The following ADD2 variants were observed in gnomAD, a reference collection of about 807,000 sequenced individuals.
ADD2 encodes adducin 2, also known as beta-adducin.
Under a neutral mutation model 83.0 loss-of-function variants are expected in ADD2, and 23 were observed. The ratio of observed to expected loss-of-function variants is 0.28; its 90% CI spans 0.20 to 0.39. ADD2 has a LOEUF of 0.39. ADD2 is among the 10% of genes least tolerant of loss of function. ADD2 has a pLI of 1.00. For synonymous variants in ADD2, 375 were observed against 375.4 expected (o/e 1.00, Z 0.01); for missense variants, 758 against 944.9 (o/e 0.80, Z 2.59).
intron 15 of ADD2, among the ~76,000 whole-genome samples, chr2:70,672,055 ATTAT>A (rs1196600625): frequency 6.6e-6 from 1 of 152,216 alleles, no homozygotes; most frequent in African/African-American, 2.4e-5. Flanking sequence ...TGCATCTTAA[ATTAT>A]TTAAGTCCTG....
intron 15 of ADD2, among the ~76,000 whole-genome samples, chr2:70,665,590 G>A (rs1675753829): frequency 6.6e-6 from 1 of 152,016 alleles, no homozygotes. Flanking sequence ...GCTGGTCCTG[G>A]ACCTCTCACT....
At chr2:70,692,275 G>A (rs369561517) in intron 7 of ADD2, 128 bp downstream of exon 7, 102 of 1,105,288 alleles carry the variant, frequency 9.2e-5, no homozygotes, top group Non-Finnish European at 1.2e-4. Flanking sequence ...GCGTTTCCAC[G>A]TTGGGAGTTC....
intron 10 of ADD2, among the ~76,000 whole-genome samples, chr2:70,683,318 C>T (rs1402745255): frequency 6.6e-6 from 1 of 152,114 alleles, no homozygotes; most frequent in South Asian, 2.1e-4. Context: ...TGAGCCACTG[C>T]GCCCGGCCTG....
intron 9 of ADD2, among the ~76,000 whole-genome samples, chr2:70,686,299 A>G (rs1039849190): frequency 3.9e-5 from 6 of 152,100 alleles, no homozygotes; most frequent in South Asian, 2.1e-4. Flanking sequence ...GGGGAAAAAA[A>G]GGTCACTGGA....
intron 10 of ADD2, among the ~76,000 whole-genome samples, 166 bp from the exon 11 acceptor site, chr2:70,679,127 C>G (rs1670330569): frequency 6.6e-6 from 1 of 152,224 alleles, no homozygotes; most frequent in Admixed American, 6.5e-5. Flanking sequence ...TATTTCAGAA[C>G]TGTTCCCTCC....
At chr2:70,701,710 ATATC>A (rs569579259) in intron 4 of ADD2, among the ~76,000 whole-genome samples, 1 of 152,272 alleles carries the variant, frequency 6.6e-6, no homozygotes, top group East Asian at 1.9e-4. Context: ...ATGTATATAT[ATATC>A]TAACAATTTA....
chr2:70,689,049 G>A (rs1225702402), intron 8 of ADD2, among the ~76,000 whole-genome samples: 2 of 152,074 alleles, frequency 1.3e-5, no homozygotes, highest in Non-Finnish European at 2.9e-5. Context: ...AGTGAGCTGA[G>A]ATCGCACCAT....
At chr2:70,705,419 C>CTT (rs3836146) in intron 3 of ADD2, among the ~76,000 whole-genome samples, 60,736 of 151,852 alleles carry the variant, frequency 0.4, 14,132 homozygotes, top group African/African-American at 0.66. Flanking sequence ...GCTCCCATCT[C>CTT]GAGCCCATCC....
intron 15 of ADD2, among the ~76,000 whole-genome samples, chr2:70,665,825 T>TG (rs1330653522): frequency 1.3e-5 from 2 of 151,796 alleles, no homozygotes; most frequent in East Asian, 3.8e-4. Context: ...TTTGTTTTTT[T>TG]TTTTTTCCCG....
chr2:70,731,861 A>G (rs1553379346), intron 1 of ADD2, among the ~76,000 whole-genome samples: 2 of 152,232 alleles, frequency 1.3e-5, no homozygotes, highest in African/African-American at 4.8e-5. Context: ...CAGTCCCACA[A>G]GAGGAGGTAG....
At chr2:70,674,024 T>C (rs572348246) in intron 14 of ADD2, among the ~76,000 whole-genome samples, 5 of 152,160 alleles carry the variant, frequency 3.3e-5, no homozygotes, top group African/African-American at 1.2e-4. Flanking sequence ...AGCTGAATTA[T>C]GTGTCTCAGA....
At position 70,673,384 on chromosome 2, in the gene ADD2, G is replaced by C. The variant is rs1457131671; in HGVS notation, c.1742-378C>G. 4 of 1,496,100 alleles carry C rather than the reference G, an allele frequency of 2.7e-6. No individual in the cohort carries two copies. In the South Asian group the frequency reaches 3.4e-5, roughly 13 times the overall value. 92.7% of individuals were successfully genotyped at this position (1,496,100 alleles called of 1,614,324 possible). On this transcript the variant is annotated intron_variant, in intron 14 of 15. Coordinates refer to ENST00000264436, the MANE Select transcript of ADD2 (RefSeq NM_001617.4). ...GAGCACAGAGCACATCAACGGGTAAGAGGTGGACCCACAACCACCAACTCC... is the reference window on the plus strand; with the variant it reads ...GAGCACAGAGCACATCAACGGGTAACAGGTGGACCCACAACCACCAACTCC...
chr2:70,714,492 G>T (rs1672361828), intron 1 of ADD2, among the ~76,000 whole-genome samples: 2 of 152,252 alleles, frequency 1.3e-5, no homozygotes, highest in African/African-American at 2.4e-5. Context: ...AATCCAGCCA[G>T]GGGGCCTGGG....
chr2:70,718,053 A>G (rs1252932040), intron 1 of ADD2, among the ~76,000 whole-genome samples: 2 of 152,166 alleles, frequency 1.3e-5, no homozygotes, highest in African/African-American at 2.4e-5. Context: ...TGCAGACCCC[A>G]TAAGTACTTA....
intron 13 of ADD2, chr2:70,675,234 TC>T: frequency 9.9e-7 from 1 of 1,007,358 alleles, no homozygotes; most frequent in Non-Finnish European, 1.2e-6. Context: ...TGCCAGCCAT[TC>T]CCCACCACTG....
Position 70,763,673 on chromosome 2 carries a change from G to A in ADD2, c.-154+4213C>T, listed in dbSNP as rs144298595. Among the ~76,000 whole-genome samples the A allele has an allele frequency of 5.5e-4, 83 of 151,918 alleles. No homozygotes were observed. The East Asian group carries it at 0.01, about 18-fold the overall frequency. ...ATCAAAGTAATAAAATTAATTTATT[G>A]CAATAGGTAAGTCTTTCACATGTAA... is the stretch of plus-strand genomic sequence containing the variant. On this transcript the variant is annotated intron_variant, in intron 1 of 15. Coordinates refer to ENST00000264436, the MANE Select transcript of ADD2 (RefSeq NM_001617.4).
intron 10 of ADD2, among the ~76,000 whole-genome samples, chr2:70,679,315 T>G (rs1244263358): frequency 6.6e-6 from 1 of 152,110 alleles, no homozygotes; most frequent in Non-Finnish European, 1.5e-5. Context: ...CGGGGGGAGC[T>G]TCACACAAAC....
chr2:70,767,799 C>G (rs931232241), intron 1 of ADD2, 87 bp downstream of exon 1: 36 of 1,514,064 alleles, frequency 2.4e-5, no homozygotes, highest in Non-Finnish European at 3.1e-5. Flanking sequence ...CCAAGCGGCT[C>G]CCGCCCGGCC....
chr2:70,745,100 C>T (rs1553381764), intron 1 of ADD2, among the ~76,000 whole-genome samples: 1 of 151,992 alleles, frequency 6.6e-6, no homozygotes, highest in Non-Finnish European at 1.5e-5. Flanking sequence ...TCCTGGCTAA[C>T]ATGGTGAAAC....
Sources: allele counts gnomAD v4.1 joint callset (sites outside exome capture counted in the v4.1 genomes callset), GRCh38; gene constraint gnomAD v4.1.1; transcripts MANE v1.5; gene names NCBI Gene and HGNC (gene_info 2026-07-23, HGNC 2026-07-21).